CCDC149: variants seen among roughly 807,000 people sequenced by gnomAD.
The protein encoded by CCDC149 is coiled-coil domain-containing protein 149.
Under a neutral mutation model 59.9 loss-of-function variants are expected in CCDC149, and 45 were observed. The ratio of observed to expected loss-of-function variants is 0.75; its 90% confidence interval spans 0.59 to 0.96. CCDC149 has a LOEUF of 0.96. Among genes scored for constraint, CCDC149 ranks in the 40% least tolerant of loss-of-function variants. The pLI, the probability that CCDC149 is intolerant of heterozygous loss-of-function variation, is 0.00. For missense variants in CCDC149, 584 were observed against 664.7 expected (o/e 0.88, Z 1.33); for synonymous variants, 245 against 260.6 (o/e 0.94, Z 0.58).
chr4:24,958,496 A>C (rs1366866646), intron 1 of CCDC149, among the ~76,000 whole-genome samples: 1 of 152,214 alleles, frequency 6.6e-6, no homozygotes, highest in Non-Finnish European at 1.5e-5. Context: ...ATTGAGATCC[A>C]CTAATTCTAT....
intron 7 of CCDC149, 35 bp downstream of exon 7, chr4:24,836,401 G>A: frequency 7.3e-7 from 1 of 1,367,558 alleles, no homozygotes; most frequent in Non-Finnish European, 1.0e-6. Context: ...ATGCACAATA[G>A]TCAATCACCA....
intron 4 of CCDC149, among the ~76,000 whole-genome samples, chr4:24,851,316 G>A (rs1041427753): frequency 6.6e-6 from 1 of 152,170 alleles, no homozygotes; most frequent in East Asian, 1.9e-4. Context: ...ATGCTAGAGT[G>A]CACTGGCATG....
At chr4:24,900,433 G>A (rs1721101722) in intron 1 of CCDC149, among the ~76,000 whole-genome samples, 1 of 152,142 alleles carries the variant, frequency 6.6e-6, no homozygotes, top group Non-Finnish European at 1.5e-5. Flanking sequence ...CCCTAAATGA[G>A]GATGTGAGAT....
At chr4:24,865,860 C>T (rs1669470447) in intron 3 of CCDC149, among the ~76,000 whole-genome samples, 1 of 152,068 alleles carries the variant, frequency 6.6e-6, no homozygotes, top group Admixed American at 6.5e-5. Flanking sequence ...ATTGAAAGGG[C>T]TTATGGGAAG....
chr4:24,848,413 A>G (rs974056337), intron 4 of CCDC149, among the ~76,000 whole-genome samples: 1 of 152,084 alleles, frequency 6.6e-6, no homozygotes, highest in Non-Finnish European at 1.5e-5. Flanking sequence ...TACTAAAACT[A>G]CAAAAATTAG....
intron 1 of CCDC149, among the ~76,000 whole-genome samples, chr4:24,927,549 T>C (rs1041624608): frequency 6.6e-6 from 1 of 152,192 alleles, no homozygotes; most frequent in Non-Finnish European, 1.5e-5. Context: ...TTCATAAAAA[T>C]AGTTGTAACG....
chr4:24,804,415 C>A (rs942021881), downstream of CCDC149, among the ~76,000 whole-genome samples: 2 of 143,638 alleles, frequency 1.4e-5, no homozygotes, highest in African/African-American at 5.2e-5. Flanking sequence ...CGCTTGAACT[C>A]GGGAAGTGGA....
chr4:24,941,411 A>G (rs1052362422), intron 1 of CCDC149, among the ~76,000 whole-genome samples: 10 of 152,200 alleles, frequency 6.6e-5, no homozygotes, highest in South Asian at 6.2e-4. Flanking sequence ...GTAGAGGGAA[A>G]TTTATAGCAC....
chr4:24,881,569 A>C (rs1719843331), intron 1 of CCDC149, among the ~76,000 whole-genome samples: 1 of 152,198 alleles, frequency 6.6e-6, no homozygotes, highest in South Asian at 2.1e-4. Flanking sequence ...GGTGTGTCAA[A>C]GTACTGAGAT....
chr4:24,953,913 A>G (rs968543294), intron 1 of CCDC149, among the ~76,000 whole-genome samples: 3 of 150,634 alleles, frequency 2.0e-5, no homozygotes, highest in South Asian at 2.2e-4. Flanking sequence ...CTCACTAGAA[A>G]CATTCAAAGA....
intron 1 of CCDC149, among the ~76,000 whole-genome samples, chr4:24,886,343 A>C (rs1720176420): frequency 6.6e-6 from 1 of 152,214 alleles, no homozygotes; most frequent in Non-Finnish European, 1.5e-5. Context: ...GAGGCTGACA[A>C]ATGGGATGAA....
chr4:24,950,396 G>A (rs750142179), intron 1 of CCDC149, among the ~76,000 whole-genome samples: 10 of 152,256 alleles, frequency 6.6e-5, no homozygotes, highest in Non-Finnish European at 1.0e-4. Flanking sequence ...GCCTGACACA[G>A]AGTAAGCGCA....
upstream of CCDC149, among the ~76,000 whole-genome samples, chr4:24,913,210 C>G (rs935836434): frequency 6.6e-6 from 1 of 152,108 alleles, no homozygotes; most frequent in Non-Finnish European, 1.5e-5. Flanking sequence ...GCCTACAGGT[C>G]ACTCCGGACC....
chr4:24,937,955 G>C (rs952390588), intron 1 of CCDC149, among the ~76,000 whole-genome samples: 2 of 152,098 alleles, frequency 1.3e-5, no homozygotes, highest in Non-Finnish European at 2.9e-5. Context: ...TGGGCTGGGG[G>C]TGCAGAATGG....
intron 1 of CCDC149, among the ~76,000 whole-genome samples, chr4:24,941,942 T>C (rs2109348919): frequency 6.6e-6 from 1 of 152,280 alleles, no homozygotes; most frequent in Admixed American, 6.5e-5. Flanking sequence ...ACCAGATGGA[T>C]TCACAGCCGA....
chr4:24,838,251 T>G lies in CCDC149; in HGVS notation c.394A>C (p.Lys132Gln). Residue 132 changes from lysine (K) to glutamine (Q), a missense_variant, in exon 5 of 13, where the codon AAA becomes CAA. Physicochemically the swap from Lys to Gln is moderately conservative, Grantham distance 53. Transcript: ENST00000635206. ...ATTGCTTCGTCTCCGAGCCTTTGTTTGGCAATCGTCATCCTCAAGAGCTGC... is the reference window on the plus strand; with the variant it reads ...ATTGCTTCGTCTCCGAGCCTTTGTTGGGCAATCGTCATCCTCAAGAGCTGC... The G allele has an allele frequency of 6.2e-7, 1 of 1,614,118 alleles. No homozygotes were observed.
At chr4:24,935,746 G>C (rs1722719444) in intron 1 of CCDC149, among the ~76,000 whole-genome samples, 1 of 152,150 alleles carries the variant, frequency 6.6e-6, no homozygotes. Flanking sequence ...CCAGTAAATG[G>C]TATTTTGTTA....
intron 9 of CCDC149, among the ~76,000 whole-genome samples, chr4:24,824,324 T>C (rs1278206872): frequency 1.3e-5 from 2 of 152,206 alleles, no homozygotes; most frequent in Non-Finnish European, 2.9e-5. Context: ...CAGCATCTGA[T>C]GCAGGGCTGG....
intron 7 of CCDC149, among the ~76,000 whole-genome samples, chr4:24,835,470 C>T (rs1412293168): frequency 6.6e-6 from 1 of 152,156 alleles, no homozygotes; most frequent in East Asian, 1.9e-4. Context: ...GCCGTGGATA[C>T]AGATTAAGGA....
Sources: gnomAD v4.1 joint callset for allele counts (sites outside exome capture counted in the v4.1 genomes callset) on GRCh38, gnomAD v4.1.1 for gene constraint, MANE v1.5 for transcripts, NCBI Gene and HGNC (gene_info 2026-07-23, HGNC 2026-07-21) for gene names.